LRP1B: variants seen among roughly 807,000 people sequenced by gnomAD.
LRP1B encodes low-density lipoprotein receptor-related protein 1B.
Under a neutral mutation model 556.6 loss-of-function variants are expected in LRP1B, and 217 were observed. That is an observed-to-expected ratio of 0.39 (90% CI 0.35 to 0.44). LRP1B has a LOEUF of 0.44. Among genes scored for constraint, LRP1B ranks in the 20% least tolerant of loss-of-function variants. The pLI, the probability that LRP1B is intolerant of heterozygous loss-of-function variation, is 1.00. For missense variants in LRP1B, 5,053 were observed against 5,620.8 expected, an observed-to-expected ratio of 0.90 and a Z score of 3.23; for synonymous variants, 2,047 against 1,865.8, an observed-to-expected ratio of 1.10 and a Z score of -2.50.
At chr2:140,858,634 A>G (rs1692692768) in intron 27 of LRP1B, among the ~76,000 whole-genome samples, 2 of 152,182 alleles carry the variant, frequency 1.3e-5, no homozygotes, top group South Asian at 4.1e-4. Context: ...TTTGTTACAT[A>G]GGTAAACATG....
chr2:141,785,244 CA>C (rs1695392003), intron 2 of LRP1B, among the ~76,000 whole-genome samples: 1 of 151,998 alleles, frequency 6.6e-6, no homozygotes, highest in Admixed American at 6.6e-5. Flanking sequence ...TATCATGAAA[CA>C]GAGTCATCAG....
intron 7 of LRP1B, among the ~76,000 whole-genome samples, chr2:141,183,489 T>C (rs1484222414): frequency 6.6e-6 from 1 of 152,060 alleles, no homozygotes; most frequent in Non-Finnish European, 1.5e-5. Flanking sequence ...TCAATCATTC[T>C]TGTGTGAATT....
intron 6 of LRP1B, among the ~76,000 whole-genome samples, chr2:141,202,024 T>C (rs1262002531): frequency 2.0e-5 from 3 of 152,224 alleles, no homozygotes; most frequent in Non-Finnish European, 4.4e-5. Context: ...CAGGTAAACA[T>C]ATGCCATGAT....
At chr2:140,578,262 GT>G (rs66723917) in intron 43 of LRP1B, among the ~76,000 whole-genome samples, 75,121 of 150,398 alleles carry the variant, frequency 0.5, 19,537 homozygotes, top group East Asian at 0.72. Context: ...AACACTTACA[GT>G]TTTTTTTTTC....
intron 1 of LRP1B, among the ~76,000 whole-genome samples, chr2:142,079,365 CAT>C (rs1705627831): frequency 6.8e-6 from 1 of 147,226 alleles, no homozygotes; most frequent in Admixed American, 6.9e-5. Flanking sequence ...ATGTTGGAAA[CAT>C]AATTTACTAA....
intron 7 of LRP1B, among the ~76,000 whole-genome samples, chr2:141,139,434 T>C (rs528372042): frequency 6.6e-6 from 1 of 151,766 alleles, no homozygotes; most frequent in Admixed American, 6.6e-5. Context: ...GGGAAAAAAA[T>C]CTTTATAAGG....
intron 2 of LRP1B, among the ~76,000 whole-genome samples, chr2:141,807,478 T>C (rs1015457212): frequency 5.9e-5 from 9 of 152,096 alleles, no homozygotes; most frequent in East Asian, 1.9e-4. Context: ...GCAATTTTAA[T>C]GTTAGAGGAT....
intron 1 of LRP1B, among the ~76,000 whole-genome samples, chr2:142,057,478 T>C (rs1428057031): frequency 6.6e-6 from 1 of 152,108 alleles, no homozygotes; most frequent in Non-Finnish European, 1.5e-5. Context: ...TATCAAAGTC[T>C]AGTGATACAG....
chr2:141,362,816 T>G (rs938844627), intron 3 of LRP1B, among the ~76,000 whole-genome samples: 2 of 145,064 alleles, frequency 1.4e-5, no homozygotes, highest in African/African-American at 5.4e-5. Context: ...CTTGCATTAA[T>G]TAAAAAAAAA....
intron 2 of LRP1B, among the ~76,000 whole-genome samples, chr2:141,492,005 A>G (rs1286237097): frequency 6.8e-6 from 1 of 148,090 alleles, no homozygotes. Flanking sequence ...GTGATGGCCA[A>G]GTGATAATCG....
rs78218728 is a variant in LRP1B, at chr2:140,947,993, T to C, written c.3136+2242A>G. On this transcript the variant is annotated intron_variant, in intron 20 of 90. Coordinates refer to ENST00000389484, the MANE Select transcript of LRP1B (RefSeq NM_018557.3). ...AAGGCCATTAACATTAAATAGCCAC[T>C]GCTTCTACAATAGTGAAACCTGAGT... Among the ~76,000 whole-genome samples, 424 of 152,310 alleles carry C rather than the reference T, an allele frequency of 2.8e-3. 8 individuals carry two copies. Among genetic ancestry groups the C allele is most frequent in the East Asian group, 0.02 (105 of 5,178 alleles).
intron 1 of LRP1B, among the ~76,000 whole-genome samples, chr2:142,100,401 C>T (rs1364158532): frequency 6.6e-6 from 1 of 151,968 alleles, no homozygotes; most frequent in East Asian, 1.9e-4. Flanking sequence ...GAGTCAGTTC[C>T]TGAAGTGAAT....
intron 1 of LRP1B, among the ~76,000 whole-genome samples, chr2:141,898,523 AT>A (rs1699523416): frequency 6.6e-6 from 1 of 152,192 alleles, no homozygotes; most frequent in South Asian, 2.1e-4. Flanking sequence ...ATTGTAGAAG[AT>A]TAATTATACC....
chr2:140,319,780 C>T (rs954629816), intron 82 of LRP1B, among the ~76,000 whole-genome samples: 1 of 152,128 alleles, frequency 6.6e-6, no homozygotes, highest in Non-Finnish European at 1.5e-5. Flanking sequence ...TCACTTGATT[C>T]TCTTATTCCC....
rs182287048 is a variant in LRP1B, at chr2:141,836,317, C to T, written c.83-25916G>A. 2.8e-3 allele frequency among the ~76,000 whole-genome samples: 422 copies of T among 152,062 alleles called. 1 individual carries two copies. The highest frequency in any genetic ancestry group is 5.2e-3 in the South Asian group (25 of 4,822). On this transcript the variant is annotated intron_variant, in intron 1 of 90. Transcript: ENST00000389484. Reference sequence around the variant, plus strand: ...TCAAGTGTCAACCTATTTGGAGATACTTACATAGATTAATTGTTATTTTTT... The same window carrying T: ...TCAAGTGTCAACCTATTTGGAGATATTTACATAGATTAATTGTTATTTTTT...
chr2:140,374,511 G>A (rs7586024), intron 68 of LRP1B, among the ~76,000 whole-genome samples: 10,777 of 152,170 alleles, frequency 0.071, 421 homozygotes, highest in Middle Eastern at 0.14. Flanking sequence ...GGGATATCTG[G>A]AGGAAGCTAC....
intron 1 of LRP1B, among the ~76,000 whole-genome samples, chr2:142,022,586 A>G (rs1031510821): frequency 6.6e-6 from 1 of 152,140 alleles, no homozygotes. Context: ...GTGTTTTCTC[A>G]TTAAGCCATG....
chr2:141,871,706 A>G (rs1369874541), intron 1 of LRP1B, among the ~76,000 whole-genome samples: 2 of 151,956 alleles, frequency 1.3e-5, no homozygotes, highest in African/African-American at 4.8e-5. Context: ...TATAAAGATA[A>G]TAACTCAAAA....
At chr2:141,124,925 G>A (rs1237164865) in intron 7 of LRP1B, among the ~76,000 whole-genome samples, 1 of 152,050 alleles carries the variant, frequency 6.6e-6, no homozygotes, top group Non-Finnish European at 1.5e-5. Context: ...CTGTTTTCTG[G>A]ACCACTAACC....
Sources: gnomAD v4.1 joint callset for allele counts (sites outside exome capture counted in the v4.1 genomes callset) on GRCh38, gnomAD v4.1.1 for gene constraint, MANE v1.5 for transcripts, NCBI Gene and HGNC (gene_info 2026-07-23, HGNC 2026-07-21) for gene names.